ATP11A: variants seen among roughly 807,000 people sequenced by gnomAD.
ATP11A encodes the protein ATPase phospholipid transporting 11A.
In ATP11A, 81 loss-of-function variants were observed where a neutral mutation model predicts 154.4. That is an observed-to-expected ratio of 0.52 (90% CI 0.44 to 0.63). The LOEUF (loss-of-function observed/expected upper bound fraction) is 0.63, where lower values mean the gene tolerates loss of function less well. ATP11A is among the 30% of genes least tolerant of loss of function. The pLI is 0.00. For synonymous variants in ATP11A, 623 were observed against 585.9 expected (o/e 1.06, Z -0.91); for missense variants, 1,316 against 1,474.3 (o/e 0.89, Z 1.76).
At chr13:112,868,463 G>A (rs576455882) in intron 25 of ATP11A, among the ~76,000 whole-genome samples, 1 of 152,322 alleles carries the variant, frequency 6.6e-6, no homozygotes, top group Admixed American at 6.5e-5. Context: ...GTGGAGGGTG[G>A]CCAGCCCCAG....
intron 1 of ATP11A, among the ~76,000 whole-genome samples, chr13:112,701,352 G>A (rs937161104): frequency 3.9e-5 from 6 of 152,174 alleles, no homozygotes; most frequent in Non-Finnish European, 8.8e-5. Context: ...CAGTCAAGTT[G>A]TGTTTAGTTT....
intron 1 of ATP11A, among the ~76,000 whole-genome samples, chr13:112,705,941 T>C (rs958218783): frequency 1.3e-5 from 2 of 152,222 alleles, no homozygotes; most frequent in African/African-American, 4.8e-5. Context: ...TACAGTTCCA[T>C]GGCGTTAAAT....
At chr13:112,766,119 A>G (rs1425252150) in intron 1 of ATP11A, among the ~76,000 whole-genome samples, 1 of 151,910 alleles carries the variant, frequency 6.6e-6, no homozygotes, top group East Asian at 1.9e-4. Flanking sequence ...CGGACTTCTT[A>G]TTCTTCAGAT....
At chr13:112,765,618 A>G (rs774860662) in intron 1 of ATP11A, among the ~76,000 whole-genome samples, 5 of 152,244 alleles carry the variant, frequency 3.3e-5, no homozygotes, top group African/African-American at 4.8e-5. Flanking sequence ...ACGAGGGTTG[A>G]TCTTTTGAAT....
At chr13:112,844,721 G>A (rs534498954) in intron 17 of ATP11A, among the ~76,000 whole-genome samples, 13 of 147,718 alleles carry the variant, frequency 8.8e-5, no homozygotes, top group African/African-American at 2.1e-4. Flanking sequence ...TTCAGCGGCC[G>A]CTAGTCCAAG....
chr13:112,817,729 TTGTGG>T (rs2140189398), intron 6 of ATP11A, among the ~76,000 whole-genome samples: 1 of 152,366 alleles, frequency 6.6e-6, no homozygotes, highest in South Asian at 2.1e-4. Flanking sequence ...GTTGTAGCAG[TTGTGG>T]AAGATGTTAA....
At chr13:112,763,278 C>T (rs399153) in intron 1 of ATP11A, among the ~76,000 whole-genome samples, 23,148 of 152,028 alleles carry the variant, frequency 0.15, 1,837 homozygotes, top group African/African-American at 0.2. Flanking sequence ...ATGGGAAAGG[C>T]GAGTTCAGGC....
chr13:112,713,483 A>G (rs887071281), intron 1 of ATP11A, among the ~76,000 whole-genome samples: 1 of 152,232 alleles, frequency 6.6e-6, no homozygotes, highest in African/African-American at 2.4e-5. Flanking sequence ...GTTCTCATGC[A>G]TGTAAGAATT....
intron 29 of ATP11A, chr13:112,880,579 G>T (rs755233305): frequency 2.3e-6 from 3 of 1,300,308 alleles, no homozygotes; most frequent in African/African-American, 1.5e-5. Context: ...AGTCCAGGCC[G>T]CACAGAGCAG....
intron 1 of ATP11A, among the ~76,000 whole-genome samples, chr13:112,761,249 C>A (rs938009047): frequency 6.6e-6 from 1 of 152,184 alleles, no homozygotes; most frequent in African/African-American, 2.4e-5. Context: ...GCGGGTACAC[C>A]TAAGAGAAGC....
At chr13:112,870,957 A>C (rs2080500345) in intron 25 of ATP11A, among the ~76,000 whole-genome samples, 1 of 152,188 alleles carries the variant, frequency 6.6e-6, no homozygotes, top group Admixed American at 6.5e-5. Flanking sequence ...GCCAGCTGGC[A>C]GCTCGTGGGT....
Position 112,690,449 on chromosome 13 carries a change from CAG to C in ATP11A, c.35_36del (p.Arg12IlefsTer55). 1 of 1,356,282 alleles carries C rather than the reference CAG, an allele frequency of 7.4e-7. No homozygotes were observed. The highest frequency in any genetic ancestry group is 9.5e-7 in the Non-Finnish European group (1 of 1,052,152). The allele number at this position is 1,356,282 out of a possible 1,614,324, so 84.0% of individuals were successfully genotyped here. On this transcript the variant is annotated frameshift_variant, in exon 1 of 30. Transcript: ENST00000375645. LOFTEE classifies it high-confidence loss of function. This position sits in a 1 kb window ranked among gnomAD's most constrained non-coding sequence, Gnocchi z 5.6. ...GCAGCCTCGTGCGGACGCTCGTGCACAGATACGTGAGTGCTCCCGGCGCGGGC... is the reference window on the plus strand; with the variant it reads ...GCAGCCTCGTGCGGACGCTCGTGCACATACGTGAGTGCTCCCGGCGCGGGC... ...DCSLVRTLVH[R>X]YCAGEENWVD...
chr13:112,706,973 G>A (rs533850026), intron 1 of ATP11A, among the ~76,000 whole-genome samples: 3 of 152,290 alleles, frequency 2.0e-5, no homozygotes, highest in Middle Eastern at 3.4e-3. Flanking sequence ...TGGAAAAGAC[G>A]TTAGACAAAA....
At chr13:112,868,477 C>G (rs2080409915) in intron 25 of ATP11A, among the ~76,000 whole-genome samples, 2 of 152,184 alleles carry the variant, frequency 1.3e-5, no homozygotes, top group South Asian at 4.1e-4. Context: ...GCCCCAGAGG[C>G]AGATCTGCTG....
chr13:112,705,141 A>G (rs1466229232), intron 1 of ATP11A, among the ~76,000 whole-genome samples: 2 of 152,246 alleles, frequency 1.3e-5, no homozygotes, highest in Non-Finnish European at 2.9e-5. Context: ...TTTTGTTTTC[A>G]GTAATAAATG....
chr13:112,783,589 C>T (rs1386362613), intron 1 of ATP11A, among the ~76,000 whole-genome samples: 1 of 152,232 alleles, frequency 6.6e-6, no homozygotes, highest in African/African-American at 2.4e-5. Flanking sequence ...CAGCATTCCC[C>T]TCATGGAGGA....
chr13:112,872,588 G>C (rs1199992889), intron 26 of ATP11A, among the ~76,000 whole-genome samples: 1 of 152,258 alleles, frequency 6.6e-6, no homozygotes, highest in Non-Finnish European at 1.5e-5. Flanking sequence ...TCCAGCCTGG[G>C]CGACAGAGCG....
At chr13:112,700,549 G>A (rs1445592574) in intron 1 of ATP11A, among the ~76,000 whole-genome samples, 1 of 152,240 alleles carries the variant, frequency 6.6e-6, no homozygotes, top group Non-Finnish European at 1.5e-5. Context: ...GTGGGCGCAG[G>A]CCTTGATGCC....
chr13:112,791,425 A>T (rs2077853554), intron 2 of ATP11A, among the ~76,000 whole-genome samples: 1 of 152,150 alleles, frequency 6.6e-6, no homozygotes, highest in African/African-American at 2.4e-5. Flanking sequence ...CTCCCTGCAG[A>T]TGAGGGTGCT....
Sources: allele counts gnomAD v4.1 joint callset (sites outside exome capture counted in the v4.1 genomes callset), GRCh38; gene constraint gnomAD v4.1.1; non-coding constraint Gnocchi (gnomAD v3.1); transcripts MANE v1.5; gene names NCBI Gene and HGNC (gene_info 2026-07-23, HGNC 2026-07-21).